The following BBX variants were observed in gnomAD, a reference collection of about 807,000 sequenced individuals.
BBX encodes the protein BBX high mobility group box domain containing, also known as HMG box transcription factor BBX.
In BBX, 30 loss-of-function variants were observed where a neutral mutation model predicts 100.2. The ratio of observed to expected loss-of-function variants is 0.30; its 90% CI spans 0.22 to 0.41. BBX has a LOEUF of 0.41. Ranked by LOEUF, BBX falls within the 10% of genes least tolerant of loss-of-function variation. BBX has a pLI of 1.00. For missense variants in BBX, 1,023 were observed against 1,129.8 expected (o/e 0.91, Z 1.35); for synonymous variants, 376 against 388.1 (o/e 0.97, Z 0.37).
intron 1 of BBX, 136 bp downstream of exon 1, chr3:107,523,243 G>T: frequency 4.4e-6 from 1 of 225,336 alleles, no homozygotes; most frequent in Non-Finnish European, 9.0e-6. Context: ...GGCGGCGGCG[G>T]CGGCAGCCGG....
chr3:107,668,668 G>C (rs1481318630), intron 3 of BBX, among the ~76,000 whole-genome samples: 4 of 152,156 alleles, frequency 2.6e-5, no homozygotes, highest in South Asian at 2.1e-4. Flanking sequence ...CCAGTCAGCT[G>C]TTTCTTCAAA....
At chr3:107,545,267 C>T (rs1191816864) in intron 2 of BBX, among the ~76,000 whole-genome samples, 2 of 152,134 alleles carry the variant, frequency 1.3e-5, no homozygotes, top group Non-Finnish European at 2.9e-5. Context: ...TGACTTTAAG[C>T]ATCTATCCCC....
intron 16 of BBX, 124 bp downstream of exon 16, chr3:107,798,844 A>G (rs535202705): frequency 3.7e-6 from 4 of 1,087,894 alleles, no homozygotes; most frequent in East Asian, 2.6e-5. Flanking sequence ...CTAAAAAAAA[A>G]AAAAAACAAA....
intron 10 of BBX, among the ~76,000 whole-genome samples, chr3:107,761,094 C>T (rs1454137888): frequency 2.0e-5 from 3 of 152,126 alleles, no homozygotes; most frequent in African/African-American, 7.2e-5. Flanking sequence ...TGCTCATTTC[C>T]CTCCTTTATA....
At chr3:107,710,416 T>C in intron 3 of BBX, 36 bp from the exon 4 acceptor site, 1 of 1,515,536 alleles carries the variant, frequency 6.6e-7, no homozygotes, top group Non-Finnish European at 9.0e-7. Context: ...TTTCTCTCCC[T>C]GTTTCCCTGT....
chr3:107,750,183 G>A (rs1480637878), intron 9 of BBX, among the ~76,000 whole-genome samples: 3 of 152,148 alleles, frequency 2.0e-5, no homozygotes, highest in Non-Finnish European at 4.4e-5. Flanking sequence ...CTTACTTGGA[G>A]GAGAGAGTCA....
At chr3:107,651,083 C>T (rs614409) in intron 3 of BBX, among the ~76,000 whole-genome samples, 50,654 of 152,030 alleles carry the variant, frequency 0.33, 9,578 homozygotes, top group East Asian at 0.88. Context: ...ACTTTTATTT[C>T]CTCTTTGTAG....
intron 2 of BBX, among the ~76,000 whole-genome samples, chr3:107,540,479 G>A (rs940134733): frequency 1.3e-5 from 2 of 152,148 alleles, no homozygotes; most frequent in African/African-American, 4.8e-5. Context: ...GAGGCCCTGA[G>A]CCTGCTGGAG....
At chr3:107,762,087 T>C (rs1232940275) in intron 10 of BBX, among the ~76,000 whole-genome samples, 2 of 152,206 alleles carry the variant, frequency 1.3e-5, no homozygotes, top group Non-Finnish European at 1.5e-5. Context: ...GTGAGTTGTT[T>C]TTAGAAAACT....
intron 4 of BBX, among the ~76,000 whole-genome samples, chr3:107,710,959 C>G (rs995187432): frequency 6.6e-5 from 10 of 152,204 alleles, no homozygotes. Context: ...TCTGGCCTCT[C>G]TGTCTTGGCT....
intron 2 of BBX, among the ~76,000 whole-genome samples, chr3:107,589,884 TA>T (rs1452152159): frequency 6.6e-6 from 1 of 152,248 alleles, no homozygotes; most frequent in Admixed American, 6.5e-5. Flanking sequence ...CACAGTTGGC[TA>T]GAGGTTTCAT....
chr3:107,725,214 G>A (rs1213798430), intron 5 of BBX, among the ~76,000 whole-genome samples: 1 of 152,064 alleles, frequency 6.6e-6, no homozygotes, highest in Non-Finnish European at 1.5e-5. Flanking sequence ...CTGTTTGTCT[G>A]TTATTGGTGT....
intron 10 of BBX, among the ~76,000 whole-genome samples, chr3:107,766,846 A>G (rs1218040090): frequency 2.0e-5 from 3 of 152,232 alleles, no homozygotes; most frequent in Admixed American, 6.5e-5. Context: ...GAAATGTGGC[A>G]CATATACACC....
chr3:107,666,348 A>G (rs1007181587), intron 3 of BBX, among the ~76,000 whole-genome samples: 5 of 152,320 alleles, frequency 3.3e-5, no homozygotes, highest in East Asian at 1.9e-4. Flanking sequence ...CAGTGGACAC[A>G]TTACGCTCCT....
intron 14 of BBX, among the ~76,000 whole-genome samples, chr3:107,790,602 C>T (rs191674681): frequency 1.3e-5 from 2 of 152,220 alleles, no homozygotes; most frequent in African/African-American, 4.8e-5. Flanking sequence ...AAAGATAAAT[C>T]TTCCCATCTG....
rs1169315963 is a variant in BBX, at chr3:107,810,457, T to A, written c.*5000T>A. On this transcript the variant is annotated 3_prime_UTR_variant, in exon 18 of 18. Transcript: ENST00000325805. Reference sequence around the variant, plus strand: ...ACTTGGGCCAGAGGTGGTTACTGAGTAACAAGGATCTAATTCAATGCCTCA... The same window carrying A: ...ACTTGGGCCAGAGGTGGTTACTGAGAAACAAGGATCTAATTCAATGCCTCA... 1 of 152,158 alleles carries A rather than the reference T, an allele frequency of 6.6e-6. No homozygotes were observed. Among genetic ancestry groups the A allele is most frequent in the Non-Finnish European group, 1.5e-5 (1 of 68,040 alleles). 9.4% of individuals were successfully genotyped at this position (152,158 alleles called of 1,614,324 possible).
At chr3:107,721,374 G>GT (rs917067959) in intron 5 of BBX, among the ~76,000 whole-genome samples, 117 of 149,956 alleles carry the variant, frequency 7.8e-4, no homozygotes, top group African/African-American at 2.2e-3. Flanking sequence ...GTTTTGTTTT[G>GT]TTTTTTTTGC....
At chr3:107,656,105 C>T (rs2058125858) in intron 3 of BBX, among the ~76,000 whole-genome samples, 1 of 152,090 alleles carries the variant, frequency 6.6e-6, no homozygotes, top group Non-Finnish European at 1.5e-5. Context: ...AATTCATAAA[C>T]TTGAAAAGAG....
chr3:107,690,188 A>T (rs905997457), intron 3 of BBX, among the ~76,000 whole-genome samples: 6 of 152,218 alleles, frequency 3.9e-5, no homozygotes, highest in African/African-American at 1.4e-4. Flanking sequence ...ATGTCAGAAC[A>T]ATGACTTTAT....
Sources: allele counts gnomAD v4.1 joint callset (sites outside exome capture counted in the v4.1 genomes callset), GRCh38; gene constraint gnomAD v4.1.1; transcripts MANE v1.5; gene names NCBI Gene and HGNC (gene_info 2026-07-23, HGNC 2026-07-21).